Variants in SHANK2 observed in about 807,000 individuals in gnomAD.
SHANK2 encodes SH3 and multiple ankyrin repeat domains protein 2.
SHANK2 carries 43 observed loss-of-function variants against 133.7 expected under a neutral mutation model. That is an observed-to-expected ratio of 0.32 (90% CI 0.25 to 0.41). The LOEUF is 0.41. Ranked by LOEUF, SHANK2 falls within the 10% of genes least tolerant of loss-of-function variation. The probability of loss-of-function intolerance (pLI) is 1.00; values close to 1 mark genes in which losing one functional copy is unlikely to be tolerated. For missense variants in SHANK2, 1,994 were observed against 2,235.8 expected (o/e 0.89, Z 2.18); for synonymous variants, 1,017 against 952.8 (o/e 1.07, Z -1.24).
At chr11:70,686,606 C>A (rs955589504) in intron 15 of SHANK2, among the ~76,000 whole-genome samples, 1 of 152,140 alleles carries the variant, frequency 6.6e-6, no homozygotes, top group African/African-American at 2.4e-5. Context: ...GAGAAGGAGA[C>A]AAGTCAGTCA....
intron 15 of SHANK2, among the ~76,000 whole-genome samples, chr11:70,691,563 A>T (rs782790802): frequency 2.6e-5 from 4 of 152,218 alleles, no homozygotes; most frequent in African/African-American, 9.6e-5. Context: ...CTGTTTCAAA[A>T]AACTACAAAA....
In SHANK2 at chr11:70,500,590, G is replaced by T; in HGVS notation, c.2288C>A (p.Ala763Asp). Residue 763 changes from alanine (A) to aspartate (D), a missense_variant and splice_region_variant, in exon 21 of 26, where the codon GCC (alanine) becomes GAC (aspartate). By Grantham distance (126) the Ala-to-Asp change is moderately radical (BLOSUM62 -2). Coordinates refer to ENST00000601538, the MANE Select transcript of SHANK2 (RefSeq NM_012309.5). This position sits in a 1 kb window ranked among gnomAD's most constrained non-coding sequence, Gnocchi z 4.5. ...TSELEELVDK[A>D]SVRKKKDKPE... ...CTTACCCTTCTTCTTCCGGACCGAG[G>T]CTTGCAAACAGAAAGGGGACCGCCA... 3 of 1,602,460 alleles carry T rather than the reference G, an allele frequency of 1.9e-6. No individual in the cohort carries two copies. The highest frequency in any genetic ancestry group is 2.3e-5 in the East Asian group (1 of 44,400).
At chr11:70,634,324 G>A (rs1389403615) in intron 17 of SHANK2, 12 of 151,976 alleles carry the variant, frequency 7.9e-5, no homozygotes, top group African/African-American at 1.2e-4. Context: ...AAAAAGGTCC[G>A]TCTGTATATG....
intron 15 of SHANK2, among the ~76,000 whole-genome samples, chr11:70,676,282 T>C (rs1555017176): frequency 6.6e-6 from 1 of 152,230 alleles, no homozygotes; most frequent in Non-Finnish European, 1.5e-5. Context: ...CCTGCAGTTA[T>C]GGATGGTCAT....
chr11:70,751,342 T>C (rs1438544556), intron 14 of SHANK2, among the ~76,000 whole-genome samples: 1 of 152,216 alleles, frequency 6.6e-6, no homozygotes, highest in African/African-American at 2.4e-5. Context: ...AGATTCCTCA[T>C]CAGAACTATG....
chr11:71,135,292 G>T (rs1367885173), intron 3 of SHANK2, among the ~76,000 whole-genome samples: 1 of 152,178 alleles, frequency 6.6e-6, no homozygotes, highest in Non-Finnish European at 1.5e-5. Context: ...GTACAAGGAT[G>T]AGCAGAGCCT....
chr11:70,864,800 A>G, intron 11 of SHANK2: 1 of 152,508 alleles, frequency 6.6e-6, no homozygotes, highest in Non-Finnish European at 1.5e-5. Context: ...CTGAGGTGGG[A>G]GGATCCCTTG....
intron 17 of SHANK2, chr11:70,631,975 G>T (rs1037903545): frequency 6.6e-6 from 1 of 152,258 alleles, no homozygotes; most frequent in Non-Finnish European, 1.5e-5. Flanking sequence ...ATCACACGCA[G>T]AAATTAACTA....
chr11:70,607,991 G>C (rs1238225413), intron 17 of SHANK2, among the ~76,000 whole-genome samples: 1 of 152,230 alleles, frequency 6.6e-6, no homozygotes, highest in Admixed American at 6.5e-5. Flanking sequence ...GACCAGAGAG[G>C]CTGAGTGGCT....
At chr11:70,636,230 TGTGA>T (rs1329014528) in intron 17 of SHANK2, among the ~76,000 whole-genome samples, 1 of 152,268 alleles carries the variant, frequency 6.6e-6, no homozygotes, top group East Asian at 1.9e-4. Flanking sequence ...TGTGTGTGAA[TGTGA>T]GTCTGAGTGT....
At position 71,123,912 on chromosome 11, in the gene SHANK2, G is replaced by A. The variant is rs546002223; in HGVS notation, c.208-4880C>T. Reference sequence around the variant, plus strand: ...AGCACCAGGACAGGAGTGGGTGAGAGGACACGAAGATGACCAAGATGTGCT... The same window carrying A: ...AGCACCAGGACAGGAGTGGGTGAGAAGACACGAAGATGACCAAGATGTGCT... On this transcript the variant is annotated intron_variant, in intron 3 of 25. Transcript: ENST00000601538. 2.6e-5 allele frequency among the ~76,000 whole-genome samples: 4 copies of A among 152,156 alleles called. No homozygotes were observed. The South Asian group carries it at 6.2e-4, about 24-fold the overall frequency.
At chr11:70,587,291 T>C (rs2060266829) in intron 17 of SHANK2, among the ~76,000 whole-genome samples, 1 of 152,088 alleles carries the variant, frequency 6.6e-6, no homozygotes, top group African/African-American at 2.4e-5. Flanking sequence ...CTAAATGCTT[T>C]CTCTAAAGGC....
chr11:70,923,635 A>C (rs554941928), intron 10 of SHANK2, among the ~76,000 whole-genome samples: 12 of 151,888 alleles, frequency 7.9e-5, no homozygotes, highest in Admixed American at 1.3e-4. Context: ...TGATAACTCC[A>C]CCTCCCAGGC....
chr11:70,704,751 C>T (rs1444415853), intron 14 of SHANK2, among the ~76,000 whole-genome samples: 2 of 152,156 alleles, frequency 1.3e-5, no homozygotes, highest in Non-Finnish European at 2.9e-5. Context: ...GAGAGATGGA[C>T]ACAAAAGACC....
chr11:70,825,776 A>ATC (rs1948627621), intron 11 of SHANK2, among the ~76,000 whole-genome samples: 1 of 151,354 alleles, frequency 6.6e-6, no homozygotes, highest in East Asian at 1.9e-4. Context: ...GGAAATGATG[A>ATC]TTTTTTTTTG....
intron 14 of SHANK2, among the ~76,000 whole-genome samples, chr11:70,790,031 G>A (rs1389492364): frequency 1.3e-5 from 2 of 152,212 alleles, no homozygotes; most frequent in African/African-American, 2.4e-5. Flanking sequence ...CTGCACACAC[G>A]TGCATTGCAT....
At chr11:71,116,338 C>T (rs528434797) in intron 4 of SHANK2, among the ~76,000 whole-genome samples, 16 of 152,228 alleles carry the variant, frequency 1.1e-4, no homozygotes, top group Non-Finnish European at 2.1e-4. Flanking sequence ...AGAAATGATC[C>T]GTTTCTGGCT....
In SHANK2 at chr11:70,906,137, AACAG is replaced by A. The variant is rs781956785; in HGVS notation, c.1108-9574_1108-9571del. ...TGGTATTTTGTGATGTGACAGCCTG[AACAG>A]ACAAAGACAGCGCCCAGCCTGTTGC... On this transcript the variant is annotated intron_variant, in intron 10 of 25. Coordinates refer to ENST00000601538, the MANE Select transcript of SHANK2 (RefSeq NM_012309.5). Among the ~76,000 whole-genome samples, 8 of 152,320 alleles carry A rather than the reference AACAG, an allele frequency of 5.3e-5. No individual in the cohort carries two copies. In the South Asian group the frequency reaches 1.4e-3, roughly 28 times the overall value.
At position 70,528,513 on chromosome 11, in the gene SHANK2, A is replaced by T. The variant is rs536532173; in HGVS notation, c.2062-25582T>A. Among the ~76,000 whole-genome samples the T allele has an allele frequency of 2.0e-5, 3 of 152,122 alleles. No individual in the cohort carries two copies. The East Asian group carries it at 5.8e-4, about 30-fold the overall frequency. On this transcript the variant is annotated intron_variant, in intron 17 of 25. Coordinates refer to ENST00000601538, the MANE Select transcript of SHANK2 (RefSeq NM_012309.5). ...CTTTCCCGTTTACTGCGCAGTGTTC[A>T]AGTTGCCCAGAGCTCCATTAGCCTG... is the stretch of plus-strand genomic sequence containing the variant.
Sources: gnomAD v4.1 joint callset for allele counts (sites outside exome capture counted in the v4.1 genomes callset) on GRCh38, gnomAD v4.1.1 for gene constraint, Gnocchi (gnomAD v3.1) non-coding constraint, MANE v1.5 for transcripts, NCBI Gene and HGNC (gene_info 2026-07-23, HGNC 2026-07-21) for gene names.